Variants in TAMM41 observed in about 807,000 individuals in gnomAD.
The protein encoded by TAMM41 is phosphatidate cytidylyltransferase, mitochondrial.
In TAMM41, 36 loss-of-function variants were observed where a neutral mutation model predicts 44.1. The observed-to-expected ratio is 0.82, with a 90% CI of 0.63 to 1.08. The LOEUF is 1.08. Ranked by LOEUF, TAMM41 falls within the 50% of genes least tolerant of loss-of-function variation. The pLI is 0.00. For synonymous variants in TAMM41, 164 were observed against 153.1 expected (o/e 1.07, Z -0.53); for missense variants, 417 against 404.3 (o/e 1.03, Z -0.27).
At chr3:11,757,940 A>T in the TAMM41 span, among the ~76,000 whole-genome samples, 1 of 152,158 alleles carries the variant, frequency 6.6e-6, no homozygotes, top group African/African-American at 2.4e-5. Context: ...GGGGACACTG[A>T]AGAAACCAAG....
rs2079132336 is a variant in TAMM41 at position 11,835,293 on chromosome 3, T to A, written c.411+3929A>T. Among the ~76,000 whole-genome samples, 3 of 152,162 alleles carry A rather than the reference T, an allele frequency of 2.0e-5. No homozygotes were observed. In the South Asian group the frequency reaches 6.2e-4, roughly 32 times the overall value. ...ATTCTGGTTAACAGTGATTTCCACA[T>A]GTTGAAAATTGGGAGCAAGGTAGAA... On this transcript the variant is annotated intron_variant, in intron 3 of 7. Coordinates refer to ENST00000455809, the MANE Select transcript of TAMM41 (RefSeq NM_001284401.2).
the TAMM41 span, among the ~76,000 whole-genome samples, chr3:11,729,538 C>CTTTTTTTTTTTTTTTTTTTTTTTTT: frequency 7.9e-4 from 52 of 65,540 alleles, 10 homozygotes; most frequent in African/African-American, 2.6e-3. Flanking sequence ...TTCTTTCTTT[C>CTTTTTTTTTTTTTTTTTTTTTTTTT]ATTTTTTTTT....
intron 7 of TAMM41, chr3:11,807,335 T>A: frequency 6.9e-7 from 1 of 1,455,976 alleles, no homozygotes; most frequent in Non-Finnish European, 9.0e-7. Context: ...GTGCCAGAGT[T>A]GACTTCTAAC....
intron 5 of TAMM41, among the ~76,000 whole-genome samples, chr3:11,812,236 A>C (rs1032339904): frequency 6.6e-6 from 1 of 152,166 alleles, no homozygotes; most frequent in African/African-American, 2.4e-5. Context: ...CCCCCTGGCC[A>C]AAAGAGTAAA....
chr3:11,752,469 C>T, the TAMM41 span, among the ~76,000 whole-genome samples: 6 of 152,114 alleles, frequency 3.9e-5, no homozygotes, highest in Non-Finnish European at 7.4e-5. Context: ...AAACCTCTAG[C>T]TAGCCACTGA....
intron 3 of TAMM41, among the ~76,000 whole-genome samples, chr3:11,836,147 C>T (rs563721406): frequency 2.0e-5 from 3 of 152,040 alleles, no homozygotes; most frequent in East Asian, 1.9e-4. Context: ...CATGCCGCAA[C>T]GCCCAGTTAA....
chr3:11,725,183 T>TC, the TAMM41 span, among the ~76,000 whole-genome samples: 35 of 137,534 alleles, frequency 2.5e-4, no homozygotes, highest in African/African-American at 8.3e-4. Flanking sequence ...TTCTCTTCCC[T>TC]CTTTTGCTCC....
rs11551662 is a variant in TAMM41 at position 11,846,780 on chromosome 3, G to A, written c.-144C>T. On this transcript the variant is annotated 5_prime_UTR_variant, in exon 1 of 8. Transcript: ENST00000455809. The stretch of plus-strand genomic sequence containing the variant: ...ACAAGGCTGAGTGTGGGGTGGGACT[G>A]CAAGCACACGCAAGGATTGGGGCGT... The A allele has an allele frequency of 3.9e-6, 4 of 1,023,888 alleles. 1 individual carries two copies. The Admixed American group carries it at 6.7e-5, about 17-fold the overall frequency. 63.4% of individuals were successfully genotyped at this position (1,023,888 alleles called of 1,614,324 possible).
chr3:11,833,296 G>A (rs116440147), intron 3 of TAMM41: 439 of 485,976 alleles, frequency 9.0e-4, no homozygotes, highest in Admixed American at 1.1e-3. Context: ...TGGCTTAAAG[G>A]GACTTTCAAA....
chr3:11,754,472 A>G, the TAMM41 span, among the ~76,000 whole-genome samples: 4 of 152,074 alleles, frequency 2.6e-5, no homozygotes, highest in African/African-American at 4.8e-5. Flanking sequence ...CTCCTGGATT[A>G]AAGTGATTCT....
intron 5 of TAMM41, 161 bp from the exon 6 acceptor site, chr3:11,809,843 G>A: frequency 1.6e-6 from 1 of 643,144 alleles, no homozygotes; most frequent in Non-Finnish European, 2.6e-6. Context: ...GAAACTGAAT[G>A]GGTAAGTGTT....
intron 7 of TAMM41, among the ~76,000 whole-genome samples, chr3:11,795,931 T>C (rs1449005186): frequency 3.3e-5 from 5 of 152,238 alleles, no homozygotes; most frequent in African/African-American, 1.2e-4. Context: ...CTGGCTTCAG[T>C]TGCTGATCTG....
At chr3:11,780,203 A>C in the TAMM41 span, among the ~76,000 whole-genome samples, 30 of 152,188 alleles carry the variant, frequency 2.0e-4, no homozygotes, top group Non-Finnish European at 3.7e-4. Flanking sequence ...ACTAACAAGA[A>C]TTTTAAGACC....
intron 7 of TAMM41, 48 bp from the exon 8 acceptor site, chr3:11,790,629 G>A (rs956466432): frequency 6.7e-7 from 1 of 1,502,510 alleles, no homozygotes; most frequent in African/African-American, 1.4e-5. Context: ...CTTGTTGAGT[G>A]GATGCTCAGA....
chr3:11,781,160 A>T, the TAMM41 span, among the ~76,000 whole-genome samples: 1 of 152,138 alleles, frequency 6.6e-6, no homozygotes, highest in Admixed American at 6.6e-5. Flanking sequence ...ATCCTCTTCT[A>T]TGTAACCCAC....
chr3:11,786,319 T>A (rs867500785), downstream of TAMM41, among the ~76,000 whole-genome samples: 5 of 100,328 alleles, frequency 5.0e-5, no homozygotes, highest in South Asian at 3.0e-4. Context: ...TATTATTATT[T>A]TTTGAGATGG....
chr3:11,741,003 G>A, the TAMM41 span, among the ~76,000 whole-genome samples: 3 of 143,882 alleles, frequency 2.1e-5, 1 homozygote, highest in African/African-American at 5.5e-5. Flanking sequence ...GATGGATTAC[G>A]AGGTCAGGAG....
chr3:11,765,630 A>G, the TAMM41 span, among the ~76,000 whole-genome samples: 13 of 152,052 alleles, frequency 8.5e-5, no homozygotes, highest in African/African-American at 2.9e-4. Context: ...TTGATATAAG[A>G]CCATATTTTA....
At chr3:11,756,554 T>C in the TAMM41 span, among the ~76,000 whole-genome samples, 1 of 152,248 alleles carries the variant, frequency 6.6e-6, no homozygotes, top group East Asian at 1.9e-4. Flanking sequence ...CCAGGACTGA[T>C]AGAGCCAAGA....
Sources: allele counts gnomAD v4.1 joint callset (sites outside exome capture counted in the v4.1 genomes callset), GRCh38; gene constraint gnomAD v4.1.1; transcripts MANE v1.5; gene names NCBI Gene and HGNC (gene_info 2026-07-23, HGNC 2026-07-21).